Variants in GUCA1A observed in about 807,000 individuals in gnomAD.
The protein encoded by GUCA1A is guanylate cyclase activator 1A.
Under a neutral mutation model 18.5 loss-of-function variants are expected in GUCA1A, and 14 were observed. The ratio of observed to expected loss-of-function variants is 0.76; its 90% CI spans 0.50 to 1.18. The LOEUF (loss-of-function observed/expected upper bound fraction) is 1.18, where lower values mean the gene tolerates loss of function less well. Ranked by LOEUF, GUCA1A falls within the 50% of genes most tolerant of loss-of-function variation. The pLI, the probability that GUCA1A is intolerant of heterozygous loss-of-function variation, is 0.00. For synonymous variants in GUCA1A, 97 were observed against 100.2 expected (o/e 0.97, Z 0.19); for missense variants, 264 against 262.4 (o/e 1.01, Z -0.04).
At chr6:42,175,633 GGGATTACA>G (rs1767939183) in intron 1 of GUCA1A, among the ~76,000 whole-genome samples, 1 of 152,154 alleles carries the variant, frequency 6.6e-6, no homozygotes, top group South Asian at 2.1e-4. Flanking sequence ...CCATAGTGCT[GGGATTACA>G]GGCGTGAGCC....
chr6:42,173,724 T>C lies in GUCA1A; in HGVS notation c.111T>C (p.Tyr37=). Residue 37 remains tyrosine, a synonymous_variant, in exon 1 of 4, where the codon TAT becomes TAC. Coordinates refer to ENST00000372958, the MANE Select transcript of GUCA1A (RefSeq NM_001384910.1). Reference sequence around the variant, plus strand: ...GCCCCTCTGGCCAACTCACCCTCTATGAGTTCCGCCAGTTCTTCGGCCTCA... The same window carrying C: ...GCCCCTCTGGCCAACTCACCCTCTACGAGTTCCGCCAGTTCTTCGGCCTCA... The part of the protein sequence containing the change: ...TECPSGQLTL[Y]EFRQFFGLKN... The C allele has an allele frequency of 6.2e-7, 1 of 1,614,086 alleles. No homozygotes were observed. Among genetic ancestry groups the C allele is most frequent in the Non-Finnish European group, 8.5e-7 (1 of 1,179,942 alleles).
chr6:42,176,317 C>T (rs1329071419), intron 1 of GUCA1A, among the ~76,000 whole-genome samples: 1 of 152,242 alleles, frequency 6.6e-6, no homozygotes, highest in Non-Finnish European at 1.5e-5. Flanking sequence ...CACAATCACA[C>T]TTTGCATAAT....
At position 42,178,868 on chromosome 6, in the gene GUCA1A, T is replaced by A; in HGVS notation, c.418T>A (p.Phe140Ile). The change falls in exon 3 of 4, where the codon TTC becomes ATC. Residue 140 changes from phenylalanine (F) to isoleucine (I), a missense_variant. By Grantham distance (21) the Phe-to-Ile change is conservative. Transcript: ENST00000372958. Reference protein sequence around the residue: ...MTAEEFTDTVFSKIDVNGDGE... With the variant: ...MTAEEFTDTVISKIDVNGDGE... ...TGCAGAGGAGTTCACCGATACAGTG[T>A]TCTCCAAGATTGACGTCAACGGGGA... is the stretch of plus-strand genomic sequence containing the variant. 6.2e-7 allele frequency: 1 copy of A among 1,613,386 alleles called. No individual in the cohort carries two copies. Among genetic ancestry groups the A allele is most frequent in the Non-Finnish European group, 8.5e-7 (1 of 1,179,412 alleles).
At chr6:42,174,274 G>A (rs1316893664) in intron 1 of GUCA1A, among the ~76,000 whole-genome samples, 3 of 152,240 alleles carry the variant, frequency 2.0e-5, no homozygotes, top group Non-Finnish European at 4.4e-5. Flanking sequence ...AAGCTCCCAA[G>A]GATGTGGGCA....
rs765245255 is a variant in GUCA1A, at chr6:42,178,943, G to A, written c.445+48G>A. 1.9e-5 allele frequency: 26 copies of A among 1,394,770 alleles called. No homozygotes were observed. The Admixed American group carries it at 4.4e-4, about 23-fold the overall frequency. 86.4% of individuals were successfully genotyped at this position (1,394,770 alleles called of 1,614,324 possible). On this transcript the variant is annotated intron_variant, in intron 3 of 3. Coordinates refer to ENST00000372958, the MANE Select transcript of GUCA1A (RefSeq NM_001384910.1). ...CCCCAGCGGAGGGGTCACCATGGAT[G>A]TGGGGTCACCAGGGGTGGAAGGTCA...
intron 1 of GUCA1A, among the ~76,000 whole-genome samples, chr6:42,176,646 C>G (rs1042772393): frequency 6.6e-6 from 1 of 152,126 alleles, no homozygotes; most frequent in African/African-American, 2.4e-5. Context: ...ATTGGCCAGG[C>G]TGGTCTCGAA....
chr6:42,178,873 C>T lies in GUCA1A; in HGVS notation c.423C>T (p.Ser141=). 6.2e-7 allele frequency: 1 copy of T among 1,613,436 alleles called. No homozygotes were observed. The highest frequency in any genetic ancestry group is 8.5e-7 in the Non-Finnish European group (1 of 1,179,378). Residue 141 remains serine, a synonymous_variant, in exon 3 of 4, where the codon TCC becomes TCT. Coordinates refer to ENST00000372958, the MANE Select transcript of GUCA1A (RefSeq NM_001384910.1). ...AGGAGTTCACCGATACAGTGTTCTCCAAGATTGACGTCAACGGGGATGGTG... is the reference window on the plus strand; with the variant it reads ...AGGAGTTCACCGATACAGTGTTCTCTAAGATTGACGTCAACGGGGATGGTG... ...TAEEFTDTVF[S]KIDVNGDGEL...
In GUCA1A at chr6:42,173,712, A is replaced by G. The variant is rs369250125; in HGVS notation, c.99A>G (p.Gln33=). Residue 33 remains glutamine (Q), a synonymous_variant, in exon 1 of 4, where the codon CAA becomes CAG. Coordinates refer to ENST00000372958, the MANE Select transcript of GUCA1A (RefSeq NM_001384910.1). ...TCATGACTGAGTGCCCCTCTGGCCAACTCACCCTCTATGAGTTCCGCCAGT... is the reference window on the plus strand; with the variant it reads ...TCATGACTGAGTGCCCCTCTGGCCAGCTCACCCTCTATGAGTTCCGCCAGT... ...KKFMTECPSG[Q]LTLYEFRQFF... 9.9e-6 allele frequency: 16 copies of G among 1,613,870 alleles called. No individual in the cohort carries two copies. The African/African-American group carries it at 1.3e-4, about 13-fold the overall frequency.
intron 1 of GUCA1A, among the ~76,000 whole-genome samples, chr6:42,175,391 C>T (rs1010632488): frequency 3.2e-5 from 4 of 126,584 alleles, no homozygotes; most frequent in Admixed American, 9.9e-5. Flanking sequence ...GATGGAGTCT[C>T]GCTCTGTCGC....
intron 1 of GUCA1A, 95 bp from the exon 2 acceptor site, chr6:42,178,185 C>A: frequency 6.9e-7 from 1 of 1,453,776 alleles, no homozygotes; most frequent in Non-Finnish European, 9.6e-7. Flanking sequence ...TGGGGCTTGC[C>A]GAGATGGGCG....
chr6:42,175,256 G>C (rs1048979350), intron 1 of GUCA1A, among the ~76,000 whole-genome samples: 1 of 150,938 alleles, frequency 6.6e-6, no homozygotes, highest in Non-Finnish European at 1.5e-5. Context: ...GTTAAGACAT[G>C]TCTGCAGAAG....
At chr6:42,178,754 T>TATCTC in intron 2 of GUCA1A, 48 bp from the exon 3 acceptor site, 1 of 1,387,118 alleles carries the variant, frequency 7.2e-7, no homozygotes, top group Non-Finnish European at 1.0e-6. Context: ...ACCCCTGAGA[T>TATCTC]AGGATAAGGA....
chr6:42,173,898 G>T, intron 1 of GUCA1A, 84 bp downstream of exon 1: 1 of 1,010,790 alleles, frequency 9.9e-7, no homozygotes, highest in South Asian at 1.3e-5. Context: ...AGGAAGAGCA[G>T]AGAGGAGCAT....
intron 1 of GUCA1A, among the ~76,000 whole-genome samples, chr6:42,174,061 C>G (rs57881235): frequency 0.13 from 19,639 of 152,216 alleles, 1,423 homozygotes; most frequent in Middle Eastern, 0.19. Flanking sequence ...ATGTATCAGA[C>G]ATTGTCCCTG....
intron 1 of GUCA1A, among the ~76,000 whole-genome samples, chr6:42,176,884 G>C (rs1345453428): frequency 6.6e-6 from 1 of 152,104 alleles, no homozygotes; most frequent in African/African-American, 2.4e-5. Flanking sequence ...AATGACAGAG[G>C]GTGTTTGGCT....
In GUCA1A at chr6:42,173,423, T is replaced by A; in HGVS notation, c.-191T>A. The A allele has an allele frequency of 1.6e-6, 1 of 633,134 alleles. No individual in the cohort carries two copies. The highest frequency in any genetic ancestry group is 1.8e-5 in the African/African-American group (1 of 55,122). The allele number at this position is 633,134 out of a possible 1,614,324, so 39.2% of individuals were successfully genotyped here. The stretch of plus-strand genomic sequence containing the variant: ...GTGAGTTTGAGTGTGGGCCATCATC[T>A]TCTTCCTTCTGCTCTCTCCCTCTCC... On this transcript the variant is annotated 5_prime_UTR_variant, in exon 1 of 4. Transcript: ENST00000372958.
chr6:42,179,376 T>C lies in GUCA1A; in HGVS notation c.579T>C (p.Ala193=), dbSNP rs769685174. 1 of 1,606,932 alleles carries C rather than the reference T, an allele frequency of 6.2e-7. No individual in the cohort carries two copies. The change falls in exon 4 of 4, where the codon GCT becomes GCC. Residue 193 remains alanine, a synonymous_variant. Coordinates refer to ENST00000372958, the MANE Select transcript of GUCA1A (RefSeq NM_001384910.1). ...ATGGCGAGCAAGACGAGGAGGGGGC[T>C]GACGAGGCCGCTGAGGCAGCCGGCT... is the stretch of plus-strand genomic sequence containing the variant. ...LQNGEQDEEG[A]DEAAEAAG
intron 3 of GUCA1A, 125 bp downstream of exon 3, chr6:42,179,020 T>G: frequency 1.1e-6 from 1 of 913,284 alleles, no homozygotes; most frequent in Middle Eastern, 2.8e-4. Context: ...CCCGTGCTGG[T>G]CACTTCCTCC....
Position 42,179,986 on chromosome 6 carries a change from C to T in GUCA1A, c.*583C>T, listed in dbSNP as rs1274567928. On this transcript the variant is annotated 3_prime_UTR_variant, in exon 4 of 4. Transcript: ENST00000372958. Reference sequence around the variant, plus strand: ...GATGTACAAAGAAGACAGTTTTCATCCTCTAGGAACTCATAGGCTAATGGT... The same window carrying T: ...GATGTACAAAGAAGACAGTTTTCATTCTCTAGGAACTCATAGGCTAATGGT... 1 of 152,206 alleles carries T rather than the reference C, an allele frequency of 6.6e-6. No individual in the cohort carries two copies. Among genetic ancestry groups the T allele is most frequent in the East Asian group, 1.9e-4 (1 of 5,206 alleles). 9.4% of individuals were successfully genotyped at this position (152,206 alleles called of 1,614,324 possible). A position where few individuals can be genotyped will look rare whatever the true frequency, so the allele number is the denominator to read the frequency against.
Sources: allele counts gnomAD v4.1 joint callset (sites outside exome capture counted in the v4.1 genomes callset), GRCh38; gene constraint gnomAD v4.1.1; transcripts MANE v1.5; gene names NCBI Gene and HGNC (gene_info 2026-07-23, HGNC 2026-07-21).